NEBL: variants seen among roughly 807,000 people sequenced by gnomAD.
NEBL encodes the protein LIM and SH3 protein 2.
Under a neutral mutation model 140.2 loss-of-function variants are expected in NEBL, and 122 were observed. That is an observed-to-expected ratio of 0.87 (90% CI 0.75 to 1.01). The LOEUF (loss-of-function observed/expected upper bound fraction) is 1.01, where lower values mean the gene tolerates loss of function less well. Among genes scored for constraint, NEBL ranks in the 50% least tolerant of loss-of-function variants. NEBL has a pLI of 0.00. For missense variants in NEBL, 1,365 were observed against 1,231.3 expected, an observed-to-expected ratio of 1.11 and a Z score of -1.62; for synonymous variants, 436 against 398.9, an observed-to-expected ratio of 1.09 and a Z score of -1.11.
intron 4 of NEBL, among the ~76,000 whole-genome samples, chr10:20,915,738 C>T (rs1288423704): frequency 6.6e-6 from 1 of 152,064 alleles, no homozygotes; most frequent in Admixed American, 6.6e-5. Context: ...GTCTTTATAG[C>T]AGCATGATTT....
chr10:21,043,092 G>A (rs1564490716), intron 2 of NEBL, among the ~76,000 whole-genome samples: 1 of 152,122 alleles, frequency 6.6e-6, no homozygotes, highest in Non-Finnish European at 1.5e-5. Flanking sequence ...CTCTTCTAGA[G>A]ACTTAAATCT....
At chr10:20,918,584 C>G (rs978155573) in intron 4 of NEBL, among the ~76,000 whole-genome samples, 2 of 152,008 alleles carry the variant, frequency 1.3e-5, no homozygotes, top group African/African-American at 4.8e-5. Context: ...GCACGGCTGG[C>G]TCATGCCTGT....
In NEBL at chr10:20,998,837, T is replaced by G. The variant is rs536793084; in HGVS notation, c.249+21280A>C. Among the ~76,000 whole-genome samples, 8 of 152,298 alleles carry G rather than the reference T, an allele frequency of 5.3e-5. No individual in the cohort carries two copies. The South Asian group carries it at 1.7e-3, about 32-fold the overall frequency. ...AAGTCCCTTAATTCGATCACTTTGT[T>G]TGTCTATGGACTAACTTCTGTCAGT... On this transcript the variant is annotated intron_variant, in intron 3 of 6. Coordinates refer to the NEBL transcript ENST00000417816.
At chr10:20,802,318 C>T (rs1419552410) in intron 26 of NEBL, among the ~76,000 whole-genome samples, 2 of 152,148 alleles carry the variant, frequency 1.3e-5, no homozygotes, top group African/African-American at 2.4e-5. Context: ...ACCAAAGGAG[C>T]TGTGTGTCAA....
chr10:21,104,679 T>C (rs935465266), intron 2 of NEBL, among the ~76,000 whole-genome samples: 12 of 152,174 alleles, frequency 7.9e-5, no homozygotes, highest in African/African-American at 2.9e-4. Flanking sequence ...TGAATGAAGG[T>C]AGTTGTATCC....
chr10:20,891,382 T>C (rs1847015065), intron 2 of NEBL, among the ~76,000 whole-genome samples: 1 of 152,236 alleles, frequency 6.6e-6, no homozygotes, highest in Admixed American at 6.5e-5. Context: ...TTAATGGCAG[T>C]ATGATAAATA....
chr10:21,020,953 A>C (rs946338157), intron 2 of NEBL, among the ~76,000 whole-genome samples: 1 of 152,156 alleles, frequency 6.6e-6, no homozygotes, highest in Non-Finnish European at 1.5e-5. Flanking sequence ...TTTCAGATCC[A>C]ATAGCATTTC....
chr10:20,880,164 C>T (rs1448732636), intron 5 of NEBL, among the ~76,000 whole-genome samples: 2 of 152,090 alleles, frequency 1.3e-5, no homozygotes, highest in African/African-American at 4.8e-5. Flanking sequence ...AGCTCAAGAC[C>T]AGCCTGGCCT....
chr10:20,973,033 A>G (rs915528466), intron 3 of NEBL, among the ~76,000 whole-genome samples: 1 of 152,290 alleles, frequency 6.6e-6, no homozygotes, highest in African/African-American at 2.4e-5. Context: ...TTGAAGAGTT[A>G]CATGAAGAAT....
chr10:20,907,759 A>T (rs1204020486), intron 4 of NEBL, among the ~76,000 whole-genome samples: 1 of 152,204 alleles, frequency 6.6e-6, no homozygotes, highest in Non-Finnish European at 1.5e-5. Context: ...GACCTTCATC[A>T]GTGAGGAAAA....
intron 2 of NEBL, among the ~76,000 whole-genome samples, chr10:21,100,740 A>C (rs1342327069): frequency 6.6e-6 from 1 of 152,192 alleles, no homozygotes; most frequent in Non-Finnish European, 1.5e-5. Context: ...TCCTTGTTGA[A>C]CAGAGCTACT....
chr10:20,833,693 T>A (rs1746402397), intron 14 of NEBL, among the ~76,000 whole-genome samples: 1 of 151,796 alleles, frequency 6.6e-6, no homozygotes. Flanking sequence ...GAGGCAGAGC[T>A]TGCAGTGAGC....
intron 1 of NEBL, among the ~76,000 whole-genome samples, chr10:21,263,848 C>G (rs1842768602): frequency 6.6e-6 from 1 of 152,064 alleles, no homozygotes; most frequent in South Asian, 2.1e-4. Context: ...GCCTATAATC[C>G]CAGATACTCG....
chr10:21,069,628 A>G (rs1183773660), intron 2 of NEBL, among the ~76,000 whole-genome samples: 10 of 152,186 alleles, frequency 6.6e-5, no homozygotes, highest in Non-Finnish European at 1.0e-4. Context: ...TGGAGCATTT[A>G]AAAATCTTTA....
chr10:21,215,105 G>A (rs1841971776), intron 3 of NEBL, among the ~76,000 whole-genome samples: 1 of 152,126 alleles, frequency 6.6e-6, no homozygotes, highest in Non-Finnish European at 1.5e-5. Context: ...TAACTAAAAT[G>A]AACTTTTAGT....
At chr10:21,195,281 G>C (rs576491999) in intron 3 of NEBL, among the ~76,000 whole-genome samples, 25 of 152,228 alleles carry the variant, frequency 1.6e-4, no homozygotes, top group African/African-American at 5.5e-4. Context: ...CCACAAGGAA[G>C]AAACAGCAAA....
chr10:21,221,794 T>C (rs978319598), intron 3 of NEBL, among the ~76,000 whole-genome samples: 1 of 152,144 alleles, frequency 6.6e-6, no homozygotes. Context: ...CATGATTTCT[T>C]TTCACTTAAA....
intron 3 of NEBL, among the ~76,000 whole-genome samples, chr10:21,229,035 T>G (rs1334622650): frequency 6.6e-6 from 1 of 151,768 alleles, no homozygotes; most frequent in African/African-American, 2.4e-5. Flanking sequence ...ACATAGAGTG[T>G]AAGTGGGAAA....
chr10:21,159,166 T>C (rs1284505782), intron 2 of NEBL, among the ~76,000 whole-genome samples: 1 of 152,208 alleles, frequency 6.6e-6, no homozygotes, highest in Non-Finnish European at 1.5e-5. Flanking sequence ...ATTAACACTT[T>C]TTCAATCAGG....
Sources: allele counts gnomAD v4.1 joint callset (sites outside exome capture counted in the v4.1 genomes callset), GRCh38; gene constraint gnomAD v4.1.1; transcripts MANE v1.5; gene names NCBI Gene and HGNC (gene_info 2026-07-23, HGNC 2026-07-21).